MCU: variants seen among roughly 807,000 people sequenced by gnomAD.
MCU encodes calcium uniporter protein, mitochondrial.
MCU carries 12 observed loss-of-function variants against 45.2 expected under a neutral mutation model. The observed-to-expected ratio is 0.27, with a 90% CI of 0.17 to 0.43. The LOEUF (loss-of-function observed/expected upper bound fraction) is 0.43, where lower values mean the gene tolerates loss of function less well. Ranked by LOEUF, MCU falls within the 20% of genes least tolerant of loss-of-function variation. The pLI is 1.00. For synonymous variants in MCU, 160 were observed against 165.1 expected, an observed-to-expected ratio of 0.97 and a Z score of 0.24; for missense variants, 324 against 436.7, an observed-to-expected ratio of 0.74 and a Z score of 2.30.
rs1845336730 is a variant in MCU, at chr10:72,859,083, C to G, written c.221-94C>G. On this transcript the variant is annotated intron_variant, in intron 2 of 7. Coordinates refer to ENST00000373053, the MANE Select transcript of MCU (RefSeq NM_138357.3). The stretch of plus-strand genomic sequence containing the variant: ...TTCTTTGAAAACATTTTAAATCACA[C>G]TAATAATAGACCCCCATGCAAGAAT... The G allele has an allele frequency of 5.0e-6, 6 of 1,192,756 alleles. No homozygotes were observed. The East Asian group carries it at 1.2e-4, about 25-fold the overall frequency. The allele number at this position is 1,192,756 out of a possible 1,614,324, so 73.9% of individuals were successfully genotyped here. A position where few individuals can be genotyped will look rare whatever the true frequency, so the allele number is the denominator to read the frequency against.
intron 2 of MCU, among the ~76,000 whole-genome samples, chr10:72,841,717 A>G (rs1435087159): frequency 2.0e-5 from 3 of 152,210 alleles, no homozygotes; most frequent in African/African-American, 7.2e-5. Context: ...CACCCATTGT[A>G]ATAATTCATT....
chr10:72,776,993 C>T (rs1003388295), intron 1 of MCU, among the ~76,000 whole-genome samples: 1 of 152,066 alleles, frequency 6.6e-6, no homozygotes, highest in African/African-American at 2.4e-5. Flanking sequence ...AGGAGTTAAT[C>T]TAACTGAATA....
chr10:72,737,712 G>A (rs371332157), intron 1 of MCU, among the ~76,000 whole-genome samples: 1 of 151,998 alleles, frequency 6.6e-6, no homozygotes, highest in East Asian at 1.9e-4. Flanking sequence ...TAGAGATGGG[G>A]TTTCACCATG....
intron 6 of MCU, among the ~76,000 whole-genome samples, chr10:72,880,481 G>A (rs534779455): frequency 1.5e-4 from 23 of 149,926 alleles, no homozygotes; most frequent in Middle Eastern, 3.4e-3. Context: ...GGCAAAGCGG[G>A]GGGGGGGAAA....
chr10:72,801,155 G>T (rs985421775), intron 1 of MCU, among the ~76,000 whole-genome samples: 1 of 152,126 alleles, frequency 6.6e-6, no homozygotes, highest in East Asian at 1.9e-4. Flanking sequence ...TCACTAATTT[G>T]TGGGGGTGGG....
chr10:72,852,134 C>T (rs1564574649), intron 2 of MCU, among the ~76,000 whole-genome samples: 1 of 152,172 alleles, frequency 6.6e-6, no homozygotes. Flanking sequence ...AATCACTAAT[C>T]TTAATGACTT....
At chr10:72,801,046 T>C (rs1044520899) in intron 1 of MCU, among the ~76,000 whole-genome samples, 2 of 152,066 alleles carry the variant, frequency 1.3e-5, no homozygotes, top group African/African-American at 2.4e-5. Flanking sequence ...CTATGATTGA[T>C]TGCACCACTG....
intron 1 of MCU, among the ~76,000 whole-genome samples, chr10:72,755,592 A>G (rs901960329): frequency 2.6e-5 from 4 of 152,256 alleles, no homozygotes; most frequent in Admixed American, 2.0e-4. Context: ...GCGCATAAAT[A>G]TAGTAAATAC....
chr10:72,729,567 A>G (rs111309101), intron 1 of MCU, among the ~76,000 whole-genome samples: 2,867 of 152,360 alleles, frequency 0.019, 82 homozygotes, highest in African/African-American at 0.065. Context: ...ATGTTAGAAC[A>G]GTAACCACTC....
Position 72,697,274 on chromosome 10 carries a change from G to T in MCU, c.150+4973G>T, listed in dbSNP as rs7082652. 3.1e-3 allele frequency among the ~76,000 whole-genome samples: 469 copies of T among 151,698 alleles called. 2 individuals are homozygous for T. The highest frequency in any genetic ancestry group is 0.011 in the African/African-American group (436 of 41,316). On this transcript the variant is annotated intron_variant, in intron 1 of 7. Coordinates refer to ENST00000373053, the MANE Select transcript of MCU (RefSeq NM_138357.3). ...TGGGCATATAGGCGTGTGCCACCAT[G>T]CCTGGCTAATTTTTGTATTTTTTGT... is the stretch of plus-strand genomic sequence containing the variant.
At chr10:72,741,055 T>C (rs1277925382) in intron 1 of MCU, among the ~76,000 whole-genome samples, 1 of 152,000 alleles carries the variant, frequency 6.6e-6, no homozygotes, top group Non-Finnish European at 1.5e-5. Context: ...CAATAGTTAA[T>C]GAGTTTATAA....
intron 1 of MCU, among the ~76,000 whole-genome samples, chr10:72,810,396 A>G (rs1338111353): frequency 1.3e-5 from 2 of 151,780 alleles, no homozygotes; most frequent in Non-Finnish European, 2.9e-5. Flanking sequence ...GTCCACTGAC[A>G]TATGTGAAAG....
intron 2 of MCU, among the ~76,000 whole-genome samples, chr10:72,840,019 T>C (rs1014925421): frequency 5.9e-5 from 9 of 151,706 alleles, no homozygotes; most frequent in African/African-American, 1.9e-4. Context: ...TAAGTCTTTG[T>C]ATGGACATGT....
chr10:72,803,555 AT>A (rs761462825), intron 1 of MCU, among the ~76,000 whole-genome samples: 2 of 151,450 alleles, frequency 1.3e-5, no homozygotes, highest in African/African-American at 4.8e-5. Flanking sequence ...CTGTTCTCCA[AT>A]TTTTTTTGTA....
intron 1 of MCU, among the ~76,000 whole-genome samples, chr10:72,820,257 G>A (rs1026802387): frequency 7.2e-5 from 11 of 152,118 alleles, no homozygotes; most frequent in Non-Finnish European, 1.5e-4. Flanking sequence ...TATGTGCCGG[G>A]TACCATAGGA....
At chr10:72,734,942 G>C (rs1045167858) in intron 1 of MCU, among the ~76,000 whole-genome samples, 4 of 151,996 alleles carry the variant, frequency 2.6e-5, no homozygotes, top group African/African-American at 9.7e-5. Context: ...AGCTGGGTGT[G>C]GTGGTGCATA....
chr10:72,693,212 G>T, intron 1 of MCU: 2 of 853,028 alleles, frequency 2.3e-6, no homozygotes, highest in South Asian at 1.5e-5. Flanking sequence ...GAGAGAGAGA[G>T]ACAGAGTGTG....
chr10:72,881,544 C>T (rs1845700839), intron 6 of MCU, among the ~76,000 whole-genome samples: 1 of 152,096 alleles, frequency 6.6e-6, no homozygotes, highest in African/African-American at 2.4e-5. Flanking sequence ...AATTAGACTA[C>T]ATTAAATTAA....
chr10:72,730,410 TC>T (rs1843157860), intron 1 of MCU: 1 of 145,854 alleles, frequency 6.9e-6, no homozygotes, highest in African/African-American at 2.6e-5. Context: ...TGCCTCAGCC[TC>T]CCGGGTAGCT....
Sources: allele counts gnomAD v4.1 joint callset (sites outside exome capture counted in the v4.1 genomes callset), GRCh38; gene constraint gnomAD v4.1.1; transcripts MANE v1.5; gene names NCBI Gene and HGNC (gene_info 2026-07-23, HGNC 2026-07-21).